The following SEMA6D variants were observed in gnomAD, a reference collection of about 807,000 sequenced individuals.
SEMA6D encodes the protein semaphorin 6D, also known as semaphorin-6D.
SEMA6D carries 35 observed loss-of-function variants against 106.6 expected under a neutral mutation model. The observed-to-expected ratio is 0.33, with a 90% CI of 0.25 to 0.44. The LOEUF is 0.44. Among genes scored for constraint, SEMA6D ranks in the 20% least tolerant of loss-of-function variants. The pLI is 1.00. For missense variants in SEMA6D, 1,185 were observed against 1,345.9 expected (o/e 0.88, Z 1.87); for synonymous variants, 499 against 487.7 (o/e 1.02, Z -0.31).
chr15:47,423,963 G>A (rs1330920823), intron 2 of SEMA6D, among the ~76,000 whole-genome samples: 1 of 152,042 alleles, frequency 6.6e-6, no homozygotes, highest in Non-Finnish European at 1.5e-5. Context: ...ATAATTGACA[G>A]ACAAAGAACT....
chr15:47,650,177 A>C (rs1566960350), intron 4 of SEMA6D, among the ~76,000 whole-genome samples: 2 of 152,190 alleles, frequency 1.3e-5, no homozygotes, highest in Non-Finnish European at 2.9e-5. Context: ...GCAAAGTTAC[A>C]TTGCTAGTTC....
intron 1 of SEMA6D, chr15:47,272,730 A>G (rs980621715): frequency 6.6e-6 from 1 of 152,446 alleles, no homozygotes; most frequent in Non-Finnish European, 1.5e-5. Context: ...AAAGCTGTGC[A>G]TTGGGTGGAG....
In SEMA6D at chr15:47,771,342, G is replaced by A; in HGVS notation, c.2779G>A (p.Ala927Thr). The A allele has an allele frequency of 6.2e-7, 1 of 1,613,926 alleles. No homozygotes were observed. The highest frequency in any genetic ancestry group is 1.3e-5 in the African/African-American group (1 of 74,996). ...CCCACCTAAAGTCCCTAACCGGGAG[G>A]CATCGCTATACTCCCCTCCTTCAAC... is the stretch of plus-strand genomic sequence containing the variant. ...EVPPKVPNRE[A>T]SLYSPPSTLP... Residue 927 changes from alanine to threonine, a missense_variant, in exon 19 of 19, where the codon GCA (alanine) becomes ACA (threonine). Coordinates refer to ENST00000536845, the MANE Select transcript of SEMA6D (RefSeq NM_001358351.3).
chr15:47,378,338 C>A (rs1336391656), intron 1 of SEMA6D, among the ~76,000 whole-genome samples: 1 of 152,046 alleles, frequency 6.6e-6, no homozygotes, highest in Non-Finnish European at 1.5e-5. Context: ...TCTACTGAAA[C>A]TACAAAAATT....
At chr15:47,569,348 T>G (rs2046317692) in intron 3 of SEMA6D, among the ~76,000 whole-genome samples, 1 of 152,150 alleles carries the variant, frequency 6.6e-6, no homozygotes, top group Non-Finnish European at 1.5e-5. Flanking sequence ...TCATGCAAGT[T>G]TCTAGGGGTC....
chr15:47,662,799 G>A lies in SEMA6D; in HGVS notation c.-55+61903G>A, dbSNP rs140489504. ...CATTTCACCTAGATTGAGGGGGTAG[G>A]TCGTGGGAGAGAAAAAGGAGATAGA... On this transcript the variant is annotated intron_variant, in intron 4 of 19. Transcript: ENST00000558014. Among the ~76,000 whole-genome samples, 244 of 151,738 alleles carry A rather than the reference G, an allele frequency of 1.6e-3. 1 individual carries two copies. Among genetic ancestry groups the A allele is most frequent in the Non-Finnish European group, 2.6e-3 (180 of 67,972 alleles).
In SEMA6D at chr15:47,771,214, A is replaced by G; in HGVS notation, c.2651A>G (p.Lys884Arg). The G allele has an allele frequency of 6.2e-7, 1 of 1,614,112 alleles. No homozygotes were observed. The highest frequency in any genetic ancestry group is 8.5e-7 in the Non-Finnish European group (1 of 1,179,986). ...DSRNTLNDLL[K>R]HLNDPNSNPK... Reference sequence around the variant, plus strand: ...AGAAATACCCTCAATGATCTCCTGAAGCATCTGAATGACCCAAATAGTAAC... The same window carrying G: ...AGAAATACCCTCAATGATCTCCTGAGGCATCTGAATGACCCAAATAGTAAC... The change falls in exon 19 of 19, where the codon AAG (lysine) becomes AGG (arginine). Residue 884 changes from lysine to arginine, a missense_variant. Physicochemically the swap from Lys to Arg is conservative, Grantham distance 26. This residue lies in a region of SEMA6D where 750 missense variants were observed against 783.5 expected (regional missense o/e 0.96). Transcript: ENST00000536845.
chr15:47,623,492 A>G (rs956035497), intron 4 of SEMA6D, among the ~76,000 whole-genome samples: 1 of 152,228 alleles, frequency 6.6e-6, no homozygotes, highest in Non-Finnish European at 1.5e-5. Flanking sequence ...TTTGTAAGCC[A>G]ATGGAATAAT....
At chr15:47,555,318 A>G (rs778941401) in intron 3 of SEMA6D, among the ~76,000 whole-genome samples, 1 of 152,170 alleles carries the variant, frequency 6.6e-6, no homozygotes, top group East Asian at 1.9e-4. Context: ...CATAACGGTT[A>G]TCTGTTGTTA....
chr15:47,610,648 A>G (rs961303099), intron 4 of SEMA6D, among the ~76,000 whole-genome samples: 4 of 152,190 alleles, frequency 2.6e-5, no homozygotes, highest in Non-Finnish European at 2.9e-5. Context: ...TATCTCACTC[A>G]TTCGGAGTAT....
At chr15:47,619,664 C>T (rs2077065156) in intron 4 of SEMA6D, among the ~76,000 whole-genome samples, 1 of 152,178 alleles carries the variant, frequency 6.6e-6, no homozygotes, top group African/African-American at 2.4e-5. Context: ...CTGTTTTTAA[C>T]AAGCCATCAT....
At chr15:47,581,237 T>G (rs1208341692) in intron 3 of SEMA6D, 6 of 400,702 alleles carry the variant, frequency 1.5e-5, no homozygotes, top group Admixed American at 2.9e-5. Flanking sequence ...TGATGAAGTT[T>G]TTGCATGTTG....
At chr15:47,726,046 A>G (rs1438535558) in intron 1 of SEMA6D, among the ~76,000 whole-genome samples, 1 of 152,258 alleles carries the variant, frequency 6.6e-6, no homozygotes, top group African/African-American at 2.4e-5. Flanking sequence ...AAAGCAGAGA[A>G]CCTGTTTAGT....
At chr15:47,696,857 A>G (rs1187322730) in intron 4 of SEMA6D, among the ~76,000 whole-genome samples, 1 of 152,230 alleles carries the variant, frequency 6.6e-6, no homozygotes, top group Non-Finnish European at 1.5e-5. Context: ...TATGTCTCAT[A>G]GTTATGAAGA....
At chr15:47,251,302 C>CAG (rs928800279) in intron 1 of SEMA6D, among the ~76,000 whole-genome samples, 1 of 152,174 alleles carries the variant, frequency 6.6e-6, no homozygotes, top group African/African-American at 2.4e-5. Context: ...GCAGATTCGT[C>CAG]ATCAGGAAAT....
At chr15:47,437,702 C>T (rs1480715855) in intron 2 of SEMA6D, among the ~76,000 whole-genome samples, 2 of 152,092 alleles carry the variant, frequency 1.3e-5, no homozygotes, top group African/African-American at 4.8e-5. Context: ...GAGACCTGTG[C>T]AGCATTGATT....
chr15:47,409,578 A>G (rs1041297715), intron 1 of SEMA6D, among the ~76,000 whole-genome samples: 1 of 152,206 alleles, frequency 6.6e-6, no homozygotes, highest in African/African-American at 2.4e-5. Flanking sequence ...GTTGCTCTCA[A>G]TTTTATTGGC....
intron 1 of SEMA6D, among the ~76,000 whole-genome samples, chr15:47,190,034 G>A (rs1010586069): frequency 2.0e-5 from 3 of 152,170 alleles, no homozygotes; most frequent in South Asian, 2.1e-4. Flanking sequence ...GAGTAAATTC[G>A]CATTGTGCAG....
At chr15:47,666,653 T>C (rs1474979892) in intron 4 of SEMA6D, among the ~76,000 whole-genome samples, 1 of 152,192 alleles carries the variant, frequency 6.6e-6, no homozygotes, top group Non-Finnish European at 1.5e-5. Flanking sequence ...ATTTTTTTCT[T>C]AGAGTTATCA....
Sources: gnomAD v4.1 joint callset for allele counts (sites outside exome capture counted in the v4.1 genomes callset) on GRCh38, gnomAD v4.1.1 for gene constraint, gnomAD v4.1.1 regional missense constraint, MANE v1.5 for transcripts, NCBI Gene and HGNC (gene_info 2026-07-23, HGNC 2026-07-21) for gene names.